NGEF: variants seen among roughly 807,000 people sequenced by gnomAD.
The protein encoded by NGEF is ephexin-1.
NGEF carries 31 observed loss-of-function variants against 80.9 expected under a neutral mutation model. That is an observed-to-expected ratio of 0.38 (90% CI 0.29 to 0.52). The LOEUF (loss-of-function observed/expected upper bound fraction) is 0.52. Ranked by LOEUF, NGEF falls within the 20% of genes least tolerant of loss-of-function variation. The pLI, the probability that NGEF is intolerant of heterozygous loss-of-function variation, is 0.84. For synonymous variants in NGEF, 371 were observed against 370.2 expected (o/e 1.00, Z -0.03); for missense variants, 709 against 926.2 (o/e 0.77, Z 3.04).
At chr2:232,979,382 A>G (rs1694361715) in intron 1 of NGEF, among the ~76,000 whole-genome samples, 1 of 85,514 alleles carries the variant, frequency 1.2e-5, no homozygotes, top group Admixed American at 1.3e-4. Flanking sequence ...ACACACACAC[A>G]CACACACACA....
chr2:232,931,944 C>T (rs772123191), intron 3 of NGEF, among the ~76,000 whole-genome samples: 5 of 152,138 alleles, frequency 3.3e-5, no homozygotes, highest in Non-Finnish European at 7.3e-5. Flanking sequence ...CAATTCAGCC[C>T]AGTTATTTGC....
intron 1 of NGEF, among the ~76,000 whole-genome samples, chr2:232,978,084 T>C (rs1164502964): frequency 6.6e-6 from 1 of 152,104 alleles, no homozygotes; most frequent in African/African-American, 2.4e-5. Flanking sequence ...GACACTGGAC[T>C]GAGTTGCTAA....
In NGEF at chr2:232,901,536, CG is replaced by C. The variant is rs1403859025; in HGVS notation, c.829-6621del. On this transcript the variant is annotated intron_variant, in intron 5 of 14. Coordinates refer to ENST00000264051, the MANE Select transcript of NGEF (RefSeq NM_019850.3). The stretch of plus-strand genomic sequence containing the variant: ...AGCTGCGTCACCAGGGTGACATCTG[CG>C]GGGGTCGGAGCCAAAGGCCAGCAGA... The C allele has an allele frequency of 6.7e-6, 5 of 749,232 alleles. No homozygotes were observed. In the East Asian group the frequency reaches 3.9e-4, roughly 58 times the overall value. The allele number at this position is 749,232 out of a possible 1,614,324, so 46.4% of individuals were successfully genotyped here. A position where few individuals can be genotyped will look rare whatever the true frequency, so the allele number is the denominator to read the frequency against.
intron 1 of NGEF, among the ~76,000 whole-genome samples, chr2:233,001,695 C>A (rs774013499): frequency 2.6e-5 from 4 of 152,202 alleles, no homozygotes; most frequent in Non-Finnish European, 5.9e-5. Flanking sequence ...GCCTGGCCAA[C>A]GTGCGAAACC....
chr2:233,009,689 T>C (rs13383577), intron 1 of NGEF, among the ~76,000 whole-genome samples: 67,117 of 151,310 alleles, frequency 0.44, 15,855 homozygotes, highest in Non-Finnish European at 0.51. Flanking sequence ...AGCTTCTAGC[T>C]TTGGGAGACA....
At chr2:232,882,319 A>C in intron 12 of NGEF, 54 bp from the exon 13 acceptor site, 1 of 1,491,104 alleles carries the variant, frequency 6.7e-7, no homozygotes, top group Non-Finnish European at 9.3e-7. Flanking sequence ...CAGCCCCCCA[A>C]CGTGTGGCAC....
At chr2:232,938,594 T>C (rs747701457) in intron 3 of NGEF, among the ~76,000 whole-genome samples, 1 of 152,006 alleles carries the variant, frequency 6.6e-6, no homozygotes, top group African/African-American at 2.4e-5. Flanking sequence ...AAGGGGCACC[T>C]AAGGGGTAAA....
chr2:232,880,871 A>G (rs1691478940), intron 14 of NGEF, among the ~76,000 whole-genome samples: 1 of 151,838 alleles, frequency 6.6e-6, no homozygotes, highest in Non-Finnish European at 1.5e-5. Flanking sequence ...ACACGAAGCC[A>G]CCCGCTTGGG....
intron 1 of NGEF, among the ~76,000 whole-genome samples, chr2:232,979,868 T>TA (rs1694373283): frequency 6.6e-6 from 1 of 151,938 alleles, no homozygotes; most frequent in South Asian, 2.1e-4. Flanking sequence ...TTTTTTTTTT[T>TA]ACAGCAATAG....
At chr2:232,894,445 C>A (rs2166440) in intron 6 of NGEF, among the ~76,000 whole-genome samples, 30,290 of 152,076 alleles carry the variant, frequency 0.2, 3,379 homozygotes, top group South Asian at 0.34. Context: ...TGTCCAACCA[C>A]CGGTTTGATG....
intron 5 of NGEF, among the ~76,000 whole-genome samples, chr2:232,895,404 G>A (rs1431398667): frequency 2.0e-5 from 3 of 151,964 alleles, no homozygotes; most frequent in Non-Finnish European, 4.4e-5. Context: ...GCACATGCCT[G>A]TAATCCTAGC....
At chr2:232,884,983 C>A in intron 10 of NGEF, 1 of 315,288 alleles carries the variant, frequency 3.2e-6, no homozygotes, top group Non-Finnish European at 5.9e-6. Flanking sequence ...ACTGACTGCT[C>A]AAGGCCACGC....
chr2:232,952,061 A>G (rs1191993470), intron 3 of NGEF, among the ~76,000 whole-genome samples: 5 of 152,172 alleles, frequency 3.3e-5, no homozygotes, highest in Non-Finnish European at 5.9e-5. Context: ...CAAAAGGATA[A>G]ATGGGCTGTA....
chr2:232,920,398 C>G lies in NGEF; in HGVS notation c.714G>C (p.Gln238His), dbSNP rs761267991. 1.9e-6 allele frequency: 3 copies of G among 1,614,088 alleles called. No individual in the cohort carries two copies. Among genetic ancestry groups the G allele is most frequent in the Non-Finnish European group, 2.5e-6 (3 of 1,179,998 alleles). ...ASPPERKTLP[Q>H]ICLLSNPHSR... Reference sequence around the variant, plus strand: ...AGTGGGGGTTACTGAGCAGGCAGATCTGGGGCAGAGTCTTCCTCTCTGGTG... The same window carrying G: ...AGTGGGGGTTACTGAGCAGGCAGATGTGGGGCAGAGTCTTCCTCTCTGGTG... Residue 238 changes from glutamine (Q) to histidine (H), a missense_variant, in exon 5 of 15, where the codon CAG (glutamine) becomes CAC (histidine). Gln to His is a conservative substitution (Grantham distance 24, BLOSUM62 0). Coordinates refer to ENST00000264051, the MANE Select transcript of NGEF (RefSeq NM_019850.3).
At position 232,995,182 on chromosome 2, in the gene NGEF, T is replaced by C. The variant is rs1694770042; in HGVS notation, c.-75+17886A>G. Among the ~76,000 whole-genome samples the C allele has an allele frequency of 5.2e-5, 2 of 38,784 alleles. 1 individual carries two copies. Among genetic ancestry groups the C allele is most frequent in the Non-Finnish European group, 1.1e-4 (2 of 18,436 alleles). The allele number at this position is 38,784 out of a possible 152,430, so 25.4% of individuals were successfully genotyped here. On this transcript the variant is annotated intron_variant, in intron 1 of 14. Transcript: ENST00000264051. ...ATGTATACTGTATATGTGTACAGTA[T>C]GTATGCTGTGTACAGTATGTATACT... is the stretch of plus-strand genomic sequence containing the variant.
At chr2:232,880,258 C>CTGT (rs1441888481) in intron 14 of NGEF, among the ~76,000 whole-genome samples, 71 of 152,336 alleles carry the variant, frequency 4.7e-4, no homozygotes, top group Non-Finnish European at 2.6e-4. Flanking sequence ...TCTCCCTGCG[C>CTGT]TGTTTCTCCA....
chr2:232,937,380 T>C (rs1211067319), intron 3 of NGEF, among the ~76,000 whole-genome samples: 1 of 152,242 alleles, frequency 6.6e-6, no homozygotes, highest in African/African-American at 2.4e-5. Flanking sequence ...TTAATTTTCC[T>C]CACACATGTC....
intron 1 of NGEF, among the ~76,000 whole-genome samples, chr2:232,977,067 A>T (rs1285669748): frequency 6.6e-6 from 1 of 152,104 alleles, no homozygotes; most frequent in African/African-American, 2.4e-5. Flanking sequence ...CTCCAGCGAG[A>T]TGGGGTGATT....
chr2:232,995,657 T>C (rs1314577338), intron 1 of NGEF, among the ~76,000 whole-genome samples: 2 of 81,872 alleles, frequency 2.4e-5, no homozygotes, highest in African/African-American at 6.1e-5. Flanking sequence ...TGTATATATG[T>C]ATTATAGTGT....
Sources: gnomAD v4.1 joint callset for allele counts (sites outside exome capture counted in the v4.1 genomes callset) on GRCh38, gnomAD v4.1.1 for gene constraint, MANE v1.5 for transcripts, NCBI Gene and HGNC (gene_info 2026-07-23, HGNC 2026-07-21) for gene names.